Variants in GNG7 observed in about 807,000 individuals in gnomAD.
The protein encoded by GNG7 is guanine nucleotide-binding protein G(I)/G(S)/G(O) subunit gamma-7.
A neutral mutation model predicts 4.0 loss-of-function variants in GNG7; 1 was observed. That is an observed-to-expected ratio of 0.25 (90% CI 0.09 to 1.18). The LOEUF (loss-of-function observed/expected upper bound fraction) is 1.18. Among genes scored for constraint, GNG7 ranks in the 50% most tolerant of loss-of-function variants. GNG7 has a pLI of 0.50. For synonymous variants in GNG7, 34 were observed against 36.9 expected (o/e 0.92, Z 0.29); for missense variants, 86 against 91.9 (o/e 0.94, Z 0.26).
rs147365684 is a variant in GNG7 at position 2,524,778 on chromosome 19, G to A, written c.-37-4053C>T. On this transcript the variant is annotated intron_variant, in intron 3 of 4. Coordinates refer to ENST00000382159, the MANE Select transcript of GNG7 (RefSeq NM_052847.3). ...GACACGGCACTGCATGTGCGTGTGCGCACACGTGTGTGGGCATGCATGTCA... is the reference window on the plus strand; with the variant it reads ...GACACGGCACTGCATGTGCGTGTGCACACACGTGTGTGGGCATGCATGTCA... Among the ~76,000 whole-genome samples, 387 of 152,234 alleles carry A rather than the reference G, an allele frequency of 2.5e-3. 1 individual carries two copies. The highest frequency in any genetic ancestry group is 0.021 in the Middle Eastern group (6 of 290).
intron 1 of GNG7, among the ~76,000 whole-genome samples, chr19:2,668,383 G>C (rs1983364927): frequency 6.6e-6 from 1 of 151,968 alleles, no homozygotes; most frequent in African/African-American, 2.4e-5. Flanking sequence ...CTAAAAACGG[G>C]ATATGCAAAT....
intron 2 of GNG7, among the ~76,000 whole-genome samples, chr19:2,562,217 G>C (rs900470704): frequency 6.6e-6 from 1 of 152,036 alleles, no homozygotes; most frequent in Non-Finnish European, 1.5e-5. Flanking sequence ...CGGAGCTGCC[G>C]GGGTCCCCAC....
At chr19:2,565,820 C>T (rs1276485682) in intron 2 of GNG7, among the ~76,000 whole-genome samples, 1 of 152,140 alleles carries the variant, frequency 6.6e-6, no homozygotes, top group African/African-American at 2.4e-5. Flanking sequence ...ATGTGCTCAG[C>T]GCTTCTGCAG....
rs565253542 is a variant in GNG7 at position 2,511,386 on chromosome 19, A to G, written c.*3636T>C. 46 of 152,412 alleles carry G rather than the reference A, an allele frequency of 3.0e-4. No individual in the cohort carries two copies. Among genetic ancestry groups the G allele is most frequent in the African/African-American group, 1.1e-3 (44 of 41,592 alleles). The allele number at this position is 152,412 out of a possible 1,614,324, so 9.4% of individuals were successfully genotyped here. ...ATGCAGATGGCATAGAACCTGCTAGAACCACAGGCGGCGGCTGGAAACAGG... is the reference window on the plus strand; with the variant it reads ...ATGCAGATGGCATAGAACCTGCTAGGACCACAGGCGGCGGCTGGAAACAGG... On this transcript the variant is annotated 3_prime_UTR_variant, in exon 5 of 5. Transcript: ENST00000382159. This position sits in a 1 kb window ranked among gnomAD's most constrained non-coding sequence, Gnocchi z 6.3.
At chr19:2,528,392 G>A (rs1397671440) in intron 3 of GNG7, among the ~76,000 whole-genome samples, 2 of 144,888 alleles carry the variant, frequency 1.4e-5, no homozygotes, top group African/African-American at 2.6e-5. Context: ...CTAACACGGT[G>A]AAACCCTGTC....
intron 1 of GNG7, among the ~76,000 whole-genome samples, chr19:2,667,463 C>T (rs916197122): frequency 6.6e-6 from 1 of 152,074 alleles, no homozygotes; most frequent in African/African-American, 2.4e-5. Context: ...CAGAAAACCT[C>T]GGCTGCAAAG....
In GNG7 at chr19:2,520,661, C is replaced by G; in HGVS notation, c.28G>C (p.Ala10Pro). ...CGTAGCTGTTCCACCAGCTTCCGGGCCTGGGCTATGTTGTTAGTGGCTGAC... is the reference window on the plus strand; with the variant it reads ...CGTAGCTGTTCCACCAGCTTCCGGGGCTGGGCTATGTTGTTAGTGGCTGAC... Reference protein sequence around the residue: MSATNNIAQARKLVEQLRIE... With the variant: MSATNNIAQPRKLVEQLRIE... The change falls in exon 4 of 5, where the codon GCC becomes CCC. Residue 10 changes from alanine (A) to proline (P), a missense_variant. Transcript: ENST00000382159. 6.4e-7 allele frequency: 1 copy of G among 1,551,798 alleles called. No homozygotes were observed.
At chr19:2,539,977 TTC>T (rs530109025) in intron 3 of GNG7, among the ~76,000 whole-genome samples, 1 of 136,430 alleles carries the variant, frequency 7.3e-6, no homozygotes, top group South Asian at 2.7e-4. Flanking sequence ...CCCTCCCTCC[TTC>T]TCTCTCTCTT....
At chr19:2,538,687 A>G in intron 3 of GNG7, 1 of 461,920 alleles carries the variant, frequency 2.2e-6, no homozygotes, top group South Asian at 1.6e-5. Context: ...TCACTACTCT[A>G]ACAGCTCCAC....
chr19:2,656,052 G>GAA (rs56022655), intron 1 of GNG7, among the ~76,000 whole-genome samples: 125 of 137,278 alleles, frequency 9.1e-4, no homozygotes, highest in African/African-American at 3.0e-3. Flanking sequence ...AAGAAAGAAA[G>GAA]AAAAAAAAAA....
At chr19:2,519,758 C>A (rs1978298285) in intron 4 of GNG7, among the ~76,000 whole-genome samples, 1 of 152,152 alleles carries the variant, frequency 6.6e-6, no homozygotes, top group South Asian at 2.1e-4. Flanking sequence ...CTCCAGGTGG[C>A]CTTGGGGTTC....
intron 2 of GNG7, among the ~76,000 whole-genome samples, chr19:2,603,872 A>T (rs552729211): frequency 6.9e-4 from 105 of 151,444 alleles, no homozygotes; most frequent in Non-Finnish European, 1.2e-3. Flanking sequence ...ATTTTTTGAG[A>T]CAGAGTCTCG....
chr19:2,538,460 CAAAAAAA>C (rs397859757), intron 3 of GNG7: 16 of 179,848 alleles, frequency 8.9e-5, no homozygotes, highest in East Asian at 2.0e-4. Context: ...CCCGTCTCTG[CAAAAAAA>C]AAAAAAAAAA....
chr19:2,629,841 G>A (rs1424366082), intron 2 of GNG7, among the ~76,000 whole-genome samples: 2 of 152,198 alleles, frequency 1.3e-5, no homozygotes, highest in Admixed American at 6.5e-5. Flanking sequence ...GAGTCTGCAT[G>A]TGTGCGAAAG....
chr19:2,690,864 G>A (rs564733429), intron 1 of GNG7, among the ~76,000 whole-genome samples: 1 of 152,234 alleles, frequency 6.6e-6, no homozygotes, highest in African/African-American at 2.4e-5. Flanking sequence ...AAACTGCTGG[G>A]ATTACAGGTG....
intron 2 of GNG7, among the ~76,000 whole-genome samples, chr19:2,563,791 C>T (rs1461658663): frequency 6.6e-6 from 1 of 152,100 alleles, no homozygotes; most frequent in Non-Finnish European, 1.5e-5. Context: ...CCAGGTCACA[C>T]CTTTGAACAC....
At position 2,612,163 on chromosome 19, in the gene GNG7, G is replaced by A. The variant is rs539489449; in HGVS notation, c.-78+34061C>T. The stretch of plus-strand genomic sequence containing the variant: ...GCTGGGACTACAGGTGTGAGCCAGC[G>A]CGCCCGGCCAAATCTTTCTTTCTTT... On this transcript the variant is annotated intron_variant, in intron 2 of 4. Transcript: ENST00000382159. Among the ~76,000 whole-genome samples the A allele has an allele frequency of 1.6e-3, 251 of 152,168 alleles. 1 individual carries two copies. The highest frequency in any genetic ancestry group is 2.7e-3 in the Admixed American group (42 of 15,278).
chr19:2,543,922 A>G (rs1440031911), intron 3 of GNG7, among the ~76,000 whole-genome samples: 1 of 152,174 alleles, frequency 6.6e-6, no homozygotes, highest in East Asian at 1.9e-4. Flanking sequence ...AAACTTCCAG[A>G]ACCAGTAGCT....
rs1396141703 is a variant in GNG7 at position 2,531,890 on chromosome 19, G to A, written c.-37-11165C>T. On this transcript the variant is annotated intron_variant, in intron 3 of 4. Coordinates refer to ENST00000382159, the MANE Select transcript of GNG7 (RefSeq NM_052847.3). The stretch of plus-strand genomic sequence containing the variant: ...AGCACTGCCAGGTGCGGTGGCTCAC[G>A]CCTGTAATCCCAGCACTTTGGGAGG... Among the ~76,000 whole-genome samples the A allele has an allele frequency of 2.6e-5, 4 of 151,896 alleles. No homozygotes were observed. In the East Asian group the frequency reaches 7.8e-4, roughly 30 times the overall value.
Sources: gnomAD v4.1 joint callset for allele counts (sites outside exome capture counted in the v4.1 genomes callset) on GRCh38, gnomAD v4.1.1 for gene constraint, Gnocchi (gnomAD v3.1) non-coding constraint, MANE v1.5 for transcripts, NCBI Gene and HGNC (gene_info 2026-07-23, HGNC 2026-07-21) for gene names.